CNTNAP5: variants seen among roughly 807,000 people sequenced by gnomAD.
CNTNAP5 encodes the protein contactin-associated protein-like 5.
In CNTNAP5, 72 loss-of-function variants were observed where a neutral mutation model predicts 150.2. The observed-to-expected ratio is 0.48, with a 90% CI of 0.40 to 0.58. The LOEUF (loss-of-function observed/expected upper bound fraction) is 0.58. Ranked by LOEUF, CNTNAP5 falls within the 20% of genes least tolerant of loss-of-function variation. The probability of loss-of-function intolerance (pLI) is 0.00; values close to 1 mark genes in which losing one functional copy is unlikely to be tolerated. For missense variants in CNTNAP5, 1,636 were observed against 1,626.2 expected, an observed-to-expected ratio of 1.01 and a Z score of -0.10; for synonymous variants, 672 against 619.8, an observed-to-expected ratio of 1.08 and a Z score of -1.25.
At chr2:124,058,294 C>T (rs1437456660) in intron 1 of CNTNAP5, among the ~76,000 whole-genome samples, 1 of 152,152 alleles carries the variant, frequency 6.6e-6, no homozygotes, top group Non-Finnish European at 1.5e-5. Flanking sequence ...TTTTGACTGT[C>T]TCTCCAGCCC....
chr2:124,542,167 G>A (rs902523687), intron 10 of CNTNAP5, among the ~76,000 whole-genome samples: 5 of 151,410 alleles, frequency 3.3e-5, no homozygotes, highest in South Asian at 2.1e-4. Context: ...TTAAACACAC[G>A]AATCCAAGTC....
intron 7 of CNTNAP5, among the ~76,000 whole-genome samples, chr2:124,494,002 A>ACT (rs1401320818): frequency 7.9e-6 from 1 of 126,316 alleles, no homozygotes; most frequent in South Asian, 2.6e-4. Flanking sequence ...ACACACACAC[A>ACT]CTCCACTTCC....
At chr2:124,588,752 C>T (rs1255214272) in intron 11 of CNTNAP5, among the ~76,000 whole-genome samples, 11 of 152,080 alleles carry the variant, frequency 7.2e-5, no homozygotes, top group African/African-American at 1.9e-4. Context: ...ACTGTTGCTA[C>T]GTTTTATCTT....
At position 124,242,246 on chromosome 2, in the gene CNTNAP5, C is replaced by G. The variant is rs1305034139; in HGVS notation, c.234C>G (p.Leu78=). 6.2e-7 allele frequency: 1 copy of G among 1,603,014 alleles called. No individual in the cohort carries two copies. Among genetic ancestry groups the G allele is most frequent in the Non-Finnish European group, 8.5e-7 (1 of 1,174,306 alleles). ...CAGATTCCAATGCTCAACAGTGGCT[C>G]CAGATGGACCTGGGAAACAGAGTAG... ...SPADSNAQQW[L]QMDLGNRVEI... Residue 78 remains leucine, a synonymous_variant, in exon 3 of 24, where the codon CTC becomes CTG. Transcript: ENST00000682447.
At chr2:124,436,887 C>T (rs1692544574) in intron 5 of CNTNAP5, among the ~76,000 whole-genome samples, 1 of 152,136 alleles carries the variant, frequency 6.6e-6, no homozygotes. Flanking sequence ...CAGTTTACCA[C>T]AGTTGAGTGT....
chr2:124,881,638 C>T (rs1244569582), intron 21 of CNTNAP5, among the ~76,000 whole-genome samples: 1 of 152,010 alleles, frequency 6.6e-6, no homozygotes, highest in African/African-American at 2.4e-5. Flanking sequence ...GAGGAGAGTC[C>T]AGTTGGGGGC....
At position 124,637,246 on chromosome 2, in the gene CNTNAP5, G is replaced by A. The variant is rs575942998; in HGVS notation, c.1877-10512G>A. Among the ~76,000 whole-genome samples the A allele has an allele frequency of 1.8e-4, 27 of 152,168 alleles. No individual in the cohort carries two copies. In the South Asian group the frequency reaches 3.3e-3, roughly 19 times the overall value. ...CCTTCAACCTCCTTTAATCTGGAAG[G>A]CCCAACTCCCTGACCCCTTCTTTTT... On this transcript the variant is annotated intron_variant, in intron 12 of 23. Coordinates refer to ENST00000682447, the MANE Select transcript of CNTNAP5 (RefSeq NM_001367498.1).
intron 17 of CNTNAP5, among the ~76,000 whole-genome samples, chr2:124,784,094 A>G (rs1184734922): frequency 6.6e-6 from 1 of 152,186 alleles, no homozygotes; most frequent in African/African-American, 2.4e-5. Context: ...TGGTAAATGC[A>G]GCTGAACTTC....
intron 17 of CNTNAP5, among the ~76,000 whole-genome samples, chr2:124,780,629 A>G (rs1411303287): frequency 6.6e-6 from 1 of 152,192 alleles, no homozygotes; most frequent in Non-Finnish European, 1.5e-5. Flanking sequence ...TCTCACTGCT[A>G]TTATTTTCCC....
At chr2:124,460,267 G>A (rs1316827888) in intron 6 of CNTNAP5, among the ~76,000 whole-genome samples, 2 of 152,106 alleles carry the variant, frequency 1.3e-5, no homozygotes, top group Non-Finnish European at 2.9e-5. Context: ...AAGGAAGAAA[G>A]CCTTACTTTT....
At chr2:124,392,869 T>G (rs1173927158) in intron 3 of CNTNAP5, among the ~76,000 whole-genome samples, 3 of 152,264 alleles carry the variant, frequency 2.0e-5, no homozygotes, top group Non-Finnish European at 4.4e-5. Context: ...AAGAAGCACC[T>G]TTGGTTTAAC....
intron 1 of CNTNAP5, among the ~76,000 whole-genome samples, chr2:124,100,608 A>G (rs2104695896): frequency 6.6e-6 from 1 of 152,244 alleles, no homozygotes; most frequent in East Asian, 1.9e-4. Flanking sequence ...GCTCACGCTC[A>G]TAATTCCCGA....
At position 124,189,248 on chromosome 2, in the gene CNTNAP5, G is replaced by A. The variant is rs1685406112; in HGVS notation, c.83-32457G>A. ...TGGAGCTTATTTTCTAACAAAGGGA[G>A]ATAAACAAAGTAAATCAGTAAAATA... On this transcript the variant is annotated intron_variant, in intron 1 of 23. Transcript: ENST00000682447. Among the ~76,000 whole-genome samples, 3 of 152,238 alleles carry A rather than the reference G, an allele frequency of 2.0e-5. No homozygotes were observed. The South Asian group carries it at 6.2e-4, about 32-fold the overall frequency.
At chr2:124,389,185 G>T (rs1691044049) in intron 3 of CNTNAP5, among the ~76,000 whole-genome samples, 1 of 152,152 alleles carries the variant, frequency 6.6e-6, no homozygotes, top group Non-Finnish European at 1.5e-5. Context: ...CAGATAAGAA[G>T]TGCAAATAGA....
At chr2:124,041,358 A>G (rs1439334130) in intron 1 of CNTNAP5, among the ~76,000 whole-genome samples, 1 of 152,170 alleles carries the variant, frequency 6.6e-6, no homozygotes, top group Non-Finnish European at 1.5e-5. Context: ...AAATAAAAAT[A>G]CCTCACTTGA....
chr2:124,486,197 C>G (rs116315944), intron 7 of CNTNAP5, among the ~76,000 whole-genome samples: 5,062 of 152,244 alleles, frequency 0.033, 116 homozygotes, highest in Non-Finnish European at 0.042. Flanking sequence ...TGAAGTAACT[C>G]AGTAATGGAA....
At chr2:124,899,819 C>T (rs1323377909) in intron 21 of CNTNAP5, among the ~76,000 whole-genome samples, 1 of 151,330 alleles carries the variant, frequency 6.6e-6, no homozygotes, top group African/African-American at 2.5e-5. Flanking sequence ...AACCTAAAAA[C>T]AGAAAAATGA....
chr2:124,836,545 G>A (rs1682833280), intron 19 of CNTNAP5, among the ~76,000 whole-genome samples: 1 of 151,990 alleles, frequency 6.6e-6, no homozygotes, highest in Non-Finnish European at 1.5e-5. Flanking sequence ...TACTCATAGT[G>A]GCTATCATGC....
intron 3 of CNTNAP5, among the ~76,000 whole-genome samples, chr2:124,274,443 C>T (rs182140353): frequency 2.3e-3 from 348 of 152,224 alleles, no homozygotes; most frequent in Non-Finnish European, 4.0e-3. Flanking sequence ...AGATCTTTTC[C>T]CATTTTGTGT....
Sources: allele counts gnomAD v4.1 joint callset (sites outside exome capture counted in the v4.1 genomes callset), GRCh38; gene constraint gnomAD v4.1.1; transcripts MANE v1.5; gene names NCBI Gene and HGNC (gene_info 2026-07-23, HGNC 2026-07-21).